PPP6R1: variants seen among roughly 807,000 people sequenced by gnomAD.
PPP6R1 encodes the protein protein phosphatase 6 regulatory subunit 1.
In PPP6R1, 39 loss-of-function variants were observed where a neutral mutation model predicts 104.6. The ratio of observed to expected loss-of-function variants is 0.37; its 90% CI spans 0.29 to 0.49. The LOEUF (loss-of-function observed/expected upper bound fraction) is 0.49, where lower values mean the gene tolerates loss of function less well. PPP6R1 is among the 20% of genes least tolerant of loss of function. PPP6R1 has a pLI of 0.98. For missense variants in PPP6R1, 1,181 were observed against 1,155.8 expected (o/e 1.02, Z -0.32); for synonymous variants, 549 against 479.0 (o/e 1.15, Z -1.91).
intron 19 of PPP6R1, 42 bp downstream of exon 19, chr19:55,231,760 C>T (rs758293995): frequency 1.1e-5 from 16 of 1,491,474 alleles, no homozygotes; most frequent in East Asian, 9.4e-5. Context: ...CTCCTGGCCT[C>T]GGGATACCAG....
chr19:55,231,074 A>AC, intron 21 of PPP6R1, 190 bp from the exon 22 acceptor site: 1 of 620,598 alleles, frequency 1.6e-6, no homozygotes, highest in Non-Finnish European at 2.8e-6. Context: ...GAAGACAAGC[A>AC]CCCCTCTTCC....
chr19:55,230,828 TG>T lies in PPP6R1; in HGVS notation c.2515del (p.Gln839ArgfsTer79), dbSNP rs550637760. On this transcript the variant is annotated frameshift_variant, in exon 22 of 24. Coordinates refer to ENST00000412770, the MANE Select transcript of PPP6R1 (RefSeq NM_014931.4). LOFTEE classifies it high-confidence loss of function. ...TGGGCTCTTCTCCCCTTCTGTGGTCTGGGGGGGCTGGTGGGCCCCGGAGGCT... is the reference window on the plus strand; with the variant it reads ...TGGGCTCTTCTCCCCTTCTGTGGTCTGGGGGGCTGGTGGGCCCCGGAGGCT... ...VPASGAHQPP[Q>X]TTEGEKSPEP... is the part of the protein sequence containing the mutation. 4 of 1,592,860 alleles carry T rather than the reference TG, an allele frequency of 2.5e-6. No homozygotes were observed. Among genetic ancestry groups the T allele is most frequent in the Non-Finnish European group, 8.5e-7 (1 of 1,172,302 alleles).
chr19:55,252,790 G>A (rs943208717), intron 1 of PPP6R1, among the ~76,000 whole-genome samples: 1 of 152,116 alleles, frequency 6.6e-6, no homozygotes, highest in East Asian at 1.9e-4. Context: ...TGCCTGCCTC[G>A]GCCTCCCAAA....
chr19:55,239,754 C>T (rs2087433325), intron 13 of PPP6R1, 71 bp from the exon 14 acceptor site: 3 of 1,589,096 alleles, frequency 1.9e-6, no homozygotes, highest in South Asian at 2.2e-5. Context: ...CTATCGGTGG[C>T]GGTGGGAGGC....
chr19:55,243,218 G>T (rs1266019070), intron 5 of PPP6R1, among the ~76,000 whole-genome samples: 6 of 152,038 alleles, frequency 3.9e-5, no homozygotes, highest in Non-Finnish European at 8.8e-5. Context: ...TTTGAGACCA[G>T]CCTGGCCAAC....
downstream of PPP6R1, chr19:55,228,379 CAGA>C (rs763738451): frequency 6.2e-7 from 1 of 1,613,906 alleles, no homozygotes; most frequent in South Asian, 1.1e-5. Context: ...AATCCAGAGG[CAGA>C]AGTACACGCA....
chr19:55,249,954 T>G (rs1409411518), intron 1 of PPP6R1, among the ~76,000 whole-genome samples: 1 of 152,158 alleles, frequency 6.6e-6, no homozygotes, highest in African/African-American at 2.4e-5. Context: ...GCCAGCTCAC[T>G]GACTGACCTC....
chr19:55,241,497 G>T lies in PPP6R1; in HGVS notation c.988C>A (p.Leu330Ile). 3 of 1,599,570 alleles carry T rather than the reference G, an allele frequency of 1.9e-6. No individual in the cohort carries two copies. In the South Asian group the frequency reaches 3.4e-5, roughly 18 times the overall value. The change falls in exon 8 of 24, where the codon CTC becomes ATC. Residue 330 changes from leucine to isoleucine, a missense_variant. Coordinates refer to ENST00000412770, the MANE Select transcript of PPP6R1 (RefSeq NM_014931.4). The surrounding 1 kb of genome is among the most constrained non-coding windows in gnomAD (Gnocchi z 5.4). ...LRPRLSCFHQ[L>I]LLEPPKLEPL... ...CTGACCTTGGGAGGCTCCAGCAGGAGCTGGTGGAAGCAGCTGAGCCGCGGG... is the reference window on the plus strand; with the variant it reads ...CTGACCTTGGGAGGCTCCAGCAGGATCTGGTGGAAGCAGCTGAGCCGCGGG...
chr19:55,253,241 T>C (rs990056968), intron 1 of PPP6R1, among the ~76,000 whole-genome samples: 1 of 152,204 alleles, frequency 6.6e-6, no homozygotes, highest in African/African-American at 2.4e-5. Flanking sequence ...CAGAGTCTCA[T>C]GTGGAAGAGG....
In PPP6R1 at chr19:55,230,275, C is replaced by G; in HGVS notation, c.*253G>C. 1 of 580,890 alleles carries G rather than the reference C, an allele frequency of 1.7e-6. No homozygotes were observed. The highest frequency in any genetic ancestry group is 3.1e-6 in the Non-Finnish European group (1 of 325,194). 36.0% of individuals were successfully genotyped at this position (580,890 alleles called of 1,614,324 possible). On this transcript the variant is annotated 3_prime_UTR_variant, in exon 24 of 24. Transcript: ENST00000412770. ...TATAATATATAATATATGTTTCTCT[C>G]TCTCCATTCTCTCTATTTGACTCTC...
intron 1 of PPP6R1, among the ~76,000 whole-genome samples, chr19:55,253,929 G>C (rs529457442): frequency 1.3e-5 from 2 of 152,142 alleles, no homozygotes; most frequent in East Asian, 3.9e-4. Context: ...CCACCAGGGC[G>C]GGCTGCTGTG....
chr19:55,247,587 A>G (rs1360759677), intron 1 of PPP6R1, among the ~76,000 whole-genome samples: 1 of 152,226 alleles, frequency 6.6e-6, no homozygotes, highest in Non-Finnish European at 1.5e-5. Context: ...CTCTGGCTTC[A>G]AATTTGCTTC....
chr19:55,241,607 C>T lies in PPP6R1; in HGVS notation c.878G>A (p.Ser293Asn), dbSNP rs751463370. Residue 293 changes from serine to asparagine, a missense_variant, in exon 8 of 24, where the codon AGC becomes AAC. Ser to Asn is a conservative substitution (Grantham distance 46). Around this residue, in one of 2 missense-constraint regions of PPP6R1, gnomAD observed 1,042 missense variants for 955.6 expected, o/e 1.09. Transcript: ENST00000412770. This position sits in a 1 kb window ranked among gnomAD's most constrained non-coding sequence, Gnocchi z 5.4. ...GAGCTCCAGCTGCCCATCCACACTG[C>T]TGAAGAAGCTGTTCACGGTCACGGA... ...SESVTVNSFF[S>N]SVDGQLELLA... 7 of 1,586,274 alleles carry T rather than the reference C, an allele frequency of 4.4e-6. No individual in the cohort carries two copies. The highest frequency in any genetic ancestry group is 6.0e-6 in the Non-Finnish European group (7 of 1,167,462).
rs976312939 is a variant in PPP6R1 at position 55,241,875 on chromosome 19, A to G, written c.846-236T>C. Among the ~76,000 whole-genome samples, 2 of 152,308 alleles carry G rather than the reference A, an allele frequency of 1.3e-5. No individual in the cohort carries two copies. Among genetic ancestry groups the G allele is most frequent in the Middle Eastern group, 6.8e-3 (2 of 294 alleles). On this transcript the variant is annotated intron_variant, in intron 7 of 23. Coordinates refer to ENST00000412770, the MANE Select transcript of PPP6R1 (RefSeq NM_014931.4). The surrounding 1 kb of genome is among the most constrained non-coding windows in gnomAD (Gnocchi z 5.4). ...GGGTGAGGGGTGGAGGCGGGAAGGC[A>G]AACCCAACAGGCTAGCGGCCTGTGT...
chr19:55,228,348 C>G (rs748282677), downstream of PPP6R1: 7 of 1,613,822 alleles, frequency 4.3e-6, no homozygotes, highest in Admixed American at 1.0e-4. Flanking sequence ...GGGCAGCGAA[C>G]CAGGACAGCT....
At chr19:55,242,538 C>A in intron 5 of PPP6R1, 50 bp from the exon 6 acceptor site, 1 of 1,496,006 alleles carries the variant, frequency 6.7e-7, no homozygotes, top group Non-Finnish European at 9.3e-7. Context: ...ACCGGGCCCT[C>A]TGCAGCCTGG....
downstream of PPP6R1, chr19:55,228,436 C>T (rs368330688): frequency 1.4e-5 from 22 of 1,611,084 alleles, no homozygotes; most frequent in South Asian, 1.5e-4. Context: ...GACATCTGGG[C>T]GCTTTGGGGA....
downstream of PPP6R1, chr19:55,228,929 T>C (rs764041178): frequency 1.6e-6 from 1 of 609,932 alleles, no homozygotes; most frequent in Admixed American, 2.6e-5. Flanking sequence ...TAAAGCACTG[T>C]TGGCACTGGG....
intron 1 of PPP6R1, among the ~76,000 whole-genome samples, chr19:55,257,109 T>G (rs1195574499): frequency 6.6e-6 from 1 of 151,908 alleles, no homozygotes; most frequent in African/African-American, 2.4e-5. Context: ...AGCATAACAT[T>G]TTCAACAGCA....
Sources: gnomAD v4.1 joint callset for allele counts (sites outside exome capture counted in the v4.1 genomes callset) on GRCh38, gnomAD v4.1.1 for gene constraint, gnomAD v4.1.1 regional missense constraint, Gnocchi (gnomAD v3.1) non-coding constraint, MANE v1.5 for transcripts, NCBI Gene and HGNC (gene_info 2026-07-23, HGNC 2026-07-21) for gene names.